Variants in GRM8 observed in about 807,000 individuals in gnomAD.
The protein encoded by GRM8 is glutamate metabotropic receptor 8.
A neutral mutation model predicts 87.2 loss-of-function variants in GRM8; 47 were observed. The observed-to-expected ratio is 0.54, with a 90% confidence interval of 0.43 to 0.69. The LOEUF is 0.69. Among genes scored for constraint, GRM8 ranks in the 30% least tolerant of loss-of-function variants. The pLI, the probability that GRM8 is intolerant of heterozygous loss-of-function variation, is 0.00. For missense variants in GRM8, 1,019 were observed against 1,139.2 expected (o/e 0.89, Z 1.52); for synonymous variants, 396 against 404.5 (o/e 0.98, Z 0.25).
intron 7 of GRM8, among the ~76,000 whole-genome samples, chr7:126,672,509 A>C (rs770466263): frequency 2.6e-5 from 4 of 152,188 alleles, no homozygotes. Flanking sequence ...CTTCACAAAT[A>C]GGTAATCATG....
intron 6 of GRM8, among the ~76,000 whole-genome samples, chr7:126,844,509 T>C (rs1344739576): frequency 6.6e-6 from 1 of 152,196 alleles, no homozygotes; most frequent in East Asian, 1.9e-4. Flanking sequence ...AATGATCTTG[T>C]GAAGTAGGTA....
chr7:127,150,788 G>C (rs567810598), intron 2 of GRM8, among the ~76,000 whole-genome samples: 74 of 152,122 alleles, frequency 4.9e-4, no homozygotes, highest in African/African-American at 1.8e-3. Flanking sequence ...TTATTACACA[G>C]TGTGGGCCCA....
chr7:126,585,192 A>C (rs1378004259), intron 8 of GRM8, among the ~76,000 whole-genome samples: 1 of 152,170 alleles, frequency 6.6e-6, no homozygotes, highest in East Asian at 1.9e-4. Flanking sequence ...TCTGAAATAA[A>C]TAATTAGAGA....
At chr7:126,690,474 C>T (rs1477311812) in intron 7 of GRM8, among the ~76,000 whole-genome samples, 1 of 152,214 alleles carries the variant, frequency 6.6e-6, no homozygotes, top group African/African-American at 2.4e-5. Flanking sequence ...CAGTGGTGCC[C>T]AGAAGCTTGA....
intron 6 of GRM8, among the ~76,000 whole-genome samples, chr7:126,823,868 C>T (rs1445663976): frequency 2.0e-5 from 3 of 152,054 alleles, no homozygotes; most frequent in African/African-American, 4.8e-5. Context: ...GAACAAGCAA[C>T]CACATTCCAG....
At chr7:126,838,026 T>C (rs957027493) in intron 6 of GRM8, among the ~76,000 whole-genome samples, 10 of 152,238 alleles carry the variant, frequency 6.6e-5, no homozygotes, top group Non-Finnish European at 1.2e-4. Context: ...AAATGGATTA[T>C]GAAAGATAAC....
At chr7:126,940,227 C>T (rs1344238604) in intron 3 of GRM8, among the ~76,000 whole-genome samples, 2 of 152,222 alleles carry the variant, frequency 1.3e-5, no homozygotes. Flanking sequence ...AGCTATTTAG[C>T]ATGGCTTATT....
intron 9 of GRM8, among the ~76,000 whole-genome samples, chr7:126,510,543 A>G (rs1811189242): frequency 1.0e-5 from 1 of 99,784 alleles, no homozygotes; most frequent in Non-Finnish European, 2.1e-5. Flanking sequence ...GAAGGAAATA[A>G]GCATGTTTAA....
At chr7:127,148,080 A>G (rs1828647017) in intron 2 of GRM8, among the ~76,000 whole-genome samples, 1 of 152,032 alleles carries the variant, frequency 6.6e-6, no homozygotes, top group South Asian at 2.1e-4. Flanking sequence ...AGATGCCTCC[A>G]GTGATTTGTA....
chr7:127,128,866 GC>G (rs1400277735), intron 2 of GRM8, among the ~76,000 whole-genome samples: 9 of 152,066 alleles, frequency 5.9e-5, no homozygotes, highest in Non-Finnish European at 1.2e-4. Context: ...TCTCCAGTCA[GC>G]TTTTGGATGG....
intron 7 of GRM8, among the ~76,000 whole-genome samples, 177 bp from the exon 8 acceptor site, chr7:126,609,675 C>G (rs997971870): frequency 3.9e-5 from 6 of 152,074 alleles, no homozygotes; most frequent in African/African-American, 9.7e-5. Context: ...GAAAAAGAAG[C>G]CCAGACATAC....
At chr7:127,033,501 C>G (rs1354432039) in intron 3 of GRM8, among the ~76,000 whole-genome samples, 1 of 151,984 alleles carries the variant, frequency 6.6e-6, no homozygotes, top group Non-Finnish European at 1.5e-5. Context: ...TTTACCTGTA[C>G]CACTTCATTT....
intron 3 of GRM8, among the ~76,000 whole-genome samples, chr7:127,015,064 GAAGA>G (rs200097767): frequency 3.1e-4 from 27 of 87,922 alleles, no homozygotes; most frequent in African/African-American, 8.4e-4. Context: ...AGAAGAAGAA[GAAGA>G]AAGAAAGAAG....
At chr7:127,120,094 GTCCTCAAGTCATA>G (rs1439451179) in intron 2 of GRM8, among the ~76,000 whole-genome samples, 3 of 152,160 alleles carry the variant, frequency 2.0e-5, no homozygotes, top group Non-Finnish European at 4.4e-5. Context: ...TGCACCAGGG[GTCCTCAAGTCATA>G]GCTGGCCAAT....
At chr7:126,915,872 A>G (rs1356796658) in intron 3 of GRM8, among the ~76,000 whole-genome samples, 6 of 152,200 alleles carry the variant, frequency 3.9e-5, no homozygotes, top group Non-Finnish European at 7.3e-5. Context: ...GAACAATTGG[A>G]GAAGGAGCAC....
intron 3 of GRM8, among the ~76,000 whole-genome samples, chr7:126,986,515 C>T (rs1366208386): frequency 1.3e-5 from 2 of 152,072 alleles, no homozygotes; most frequent in Non-Finnish European, 2.9e-5. Context: ...ATAATAATGT[C>T]TGTTTCTGTT....
chr7:126,477,172 A>G (rs1806017521), intron 9 of GRM8, among the ~76,000 whole-genome samples: 1 of 152,146 alleles, frequency 6.6e-6, no homozygotes, highest in Admixed American at 6.6e-5. Flanking sequence ...TCCCACTTAT[A>G]TGTGGAATCT....
chr7:126,477,623 GAAAGAAAGAA>G (rs1438321822), intron 9 of GRM8, among the ~76,000 whole-genome samples: 5 of 122,620 alleles, frequency 4.1e-5, no homozygotes, highest in African/African-American at 1.5e-4. Flanking sequence ...AAGAAAGAAA[GAAAGAAAGAA>G]AGAAAAAACG....
intron 9 of GRM8, among the ~76,000 whole-genome samples, chr7:126,478,787 T>G (rs1427012058): frequency 6.6e-6 from 1 of 152,086 alleles, no homozygotes; most frequent in East Asian, 1.9e-4. Context: ...GCTGTGCTAA[T>G]TTTTAGTAAG....
Sources: gnomAD v4.1 joint callset for allele counts (sites outside exome capture counted in the v4.1 genomes callset) on GRCh38, gnomAD v4.1.1 for gene constraint, MANE v1.5 for transcripts, NCBI Gene and HGNC (gene_info 2026-07-23, HGNC 2026-07-21) for gene names.